EVC2: variants seen among roughly 807,000 people sequenced by gnomAD.
The protein encoded by EVC2 is limbin.
EVC2 carries 148 observed loss-of-function variants against 149.3 expected under a neutral mutation model. The observed-to-expected ratio is 0.99, with a 90% CI of 0.87 to 1.14. The LOEUF is 1.14. Ranked by LOEUF, EVC2 falls within the 50% of genes most tolerant of loss-of-function variation. EVC2 has a pLI of 0.00. For missense variants in EVC2, 1,854 were observed against 1,627.3 expected (o/e 1.14, Z -2.40); for synonymous variants, 776 against 649.9 (o/e 1.19, Z -2.95).
At chr4:5,698,877 G>A (rs1354118076) in intron 1 of EVC2, among the ~76,000 whole-genome samples, 2 of 152,188 alleles carry the variant, frequency 1.3e-5, no homozygotes, top group African/African-American at 2.4e-5. Context: ...CCTGGCTTTG[G>A]GTCCAGTTCC....
rs1167397787 is a variant in EVC2, at chr4:5,640,587, A to G, written c.1397T>C (p.Met466Thr). The G allele has an allele frequency of 1.2e-6, 2 of 1,614,014 alleles. No homozygotes were observed. The stretch of plus-strand genomic sequence containing the variant: ...CATCTCTCTCTGGTACTGGTTTTCC[A>G]TCTTCTTTCTTGTTTCCAGGTCACA... Reference protein sequence around the residue: ...AECDLETRKKMENQYQREMMA... With the variant: ...AECDLETRKKTENQYQREMMA... The change falls in exon 10 of 22, where the codon ATG becomes ACG. Residue 466 changes from methionine to threonine, a missense_variant. Physicochemically the swap from Met to Thr is moderately conservative, Grantham distance 81 (BLOSUM62 -1). Coordinates refer to ENST00000344408, the MANE Select transcript of EVC2 (RefSeq NM_147127.5). This position sits in a 1 kb window ranked among gnomAD's most constrained non-coding sequence, Gnocchi z 4.6.
rs1243085872 is a variant in EVC2, at chr4:5,670,525, A to G, written c.871-4876T>C. On this transcript the variant is annotated intron_variant, in intron 7 of 21. Coordinates refer to ENST00000344408, the MANE Select transcript of EVC2 (RefSeq NM_147127.5). The surrounding 1 kb of genome is among the most constrained non-coding windows in gnomAD (Gnocchi z 5.2). ...CATCACCATCGCCACCACGATTATC[A>G]ACATCATCAATATCCCCATCACCAT... Among the ~76,000 whole-genome samples the G allele has an allele frequency of 6.6e-6, 1 of 151,964 alleles. No individual in the cohort carries two copies. Among genetic ancestry groups the G allele is most frequent in the African/African-American group, 2.4e-5 (1 of 41,372 alleles).
intron 9 of EVC2, among the ~76,000 whole-genome samples, chr4:5,641,238 G>T (rs1007202779): frequency 2.6e-5 from 4 of 152,024 alleles, no homozygotes; most frequent in African/African-American, 9.7e-5. Context: ...GTCATATCCT[G>T]GACGGAATCC....
chr4:5,620,520 T>C (rs1340965839), intron 14 of EVC2, among the ~76,000 whole-genome samples: 1 of 152,198 alleles, frequency 6.6e-6, no homozygotes, highest in Admixed American at 6.5e-5. Flanking sequence ...CCTATCTTGG[T>C]TGAAATTGGA....
In EVC2 at chr4:5,613,717, C is replaced by T. The variant is rs939937623; in HGVS notation, c.2829+1705G>A. On this transcript the variant is annotated intron_variant, in intron 16 of 21. Transcript: ENST00000344408. The surrounding 1 kb of genome is among the most constrained non-coding windows in gnomAD (Gnocchi z 4.6). ...AGTTTAGGAAGCCCAGTGGCTCTCA[C>T]ATTGATGTATATCTCTTGAATTAGC... 7.0e-6 allele frequency among the ~76,000 whole-genome samples: 1 copy of T among 141,896 alleles called. No homozygotes were observed. Among genetic ancestry groups the T allele is most frequent in the East Asian group, 1.9e-4 (1 of 5,186 alleles). The allele number at this position is 141,896 out of a possible 152,430, so 93.1% of individuals were successfully genotyped here.
At chr4:5,598,382 T>C (rs1356402380) in intron 16 of EVC2, among the ~76,000 whole-genome samples, 2 of 150,472 alleles carry the variant, frequency 1.3e-5, no homozygotes, top group South Asian at 4.2e-4. Flanking sequence ...TATAGATCAA[T>C]GGAACAGAAC....
At chr4:5,608,784 C>T (rs948917766) in intron 16 of EVC2, among the ~76,000 whole-genome samples, 2 of 152,062 alleles carry the variant, frequency 1.3e-5, no homozygotes, top group African/African-American at 2.4e-5. Flanking sequence ...TCACCCGCCT[C>T]GGCATCCCAA....
At position 5,595,086 on chromosome 4, in the gene EVC2, G is replaced by A. The variant is rs534543491; in HGVS notation, c.2830-10236C>T. Reference sequence around the variant, plus strand: ...GACTATGTGAAAAGACCAAATGTACGTCTGATTGGTGTACGTGAACATGAC... The same window carrying A: ...GACTATGTGAAAAGACCAAATGTACATCTGATTGGTGTACGTGAACATGAC... On this transcript the variant is annotated intron_variant, in intron 16 of 21. Transcript: ENST00000344408. Among the ~76,000 whole-genome samples the A allele has an allele frequency of 2.5e-3, 386 of 152,306 alleles. 1 individual carries two copies. The highest frequency in any genetic ancestry group is 8.8e-3 in the African/African-American group (364 of 41,556).
chr4:5,616,967 G>A (rs987276149), intron 15 of EVC2, among the ~76,000 whole-genome samples: 6 of 152,154 alleles, frequency 3.9e-5, no homozygotes, highest in East Asian at 3.9e-4. Context: ...CCCTCCCCTC[G>A]CTTCGGTGAA....
At chr4:5,698,930 G>A (rs897532765) in intron 1 of EVC2, among the ~76,000 whole-genome samples, 8 of 152,176 alleles carry the variant, frequency 5.3e-5, no homozygotes, top group South Asian at 2.1e-4. Flanking sequence ...GCTCTCACGC[G>A]GGCCAGACAC....
intron 1 of EVC2, among the ~76,000 whole-genome samples, chr4:5,706,994 A>G (rs553532616): frequency 1.3e-5 from 2 of 152,166 alleles, no homozygotes; most frequent in Non-Finnish European, 2.9e-5. Context: ...TGTGGCTGAC[A>G]GAGGCCAATG....
At chr4:5,671,951 G>A (rs190635053) in intron 7 of EVC2, among the ~76,000 whole-genome samples, 18 of 152,378 alleles carry the variant, frequency 1.2e-4, no homozygotes, top group African/African-American at 4.1e-4. Flanking sequence ...GTGTTTGGAT[G>A]TGACACTACA....
chr4:5,591,003 G>A (rs1246822595), intron 16 of EVC2, among the ~76,000 whole-genome samples: 2 of 152,052 alleles, frequency 1.3e-5, no homozygotes, highest in African/African-American at 4.8e-5. Context: ...CAGCATGAGG[G>A]TAACTGCCCC....
At chr4:5,665,789 C>A in intron 7 of EVC2, 140 bp from the exon 8 acceptor site, 1 of 1,346,582 alleles carries the variant, frequency 7.4e-7, no homozygotes, top group Non-Finnish European at 1.0e-6. Context: ...TGCCAGCTAC[C>A]AGCTGGCTGC....
At chr4:5,578,711 G>A (rs970183054) in intron 17 of EVC2, among the ~76,000 whole-genome samples, 25 of 152,092 alleles carry the variant, frequency 1.6e-4, no homozygotes, top group Non-Finnish European at 3.4e-4. Flanking sequence ...AACGGGGAGA[G>A]AGAGAGAGAT....
intron 9 of EVC2, among the ~76,000 whole-genome samples, chr4:5,642,615 T>C (rs114884274): frequency 0.028 from 4,283 of 152,274 alleles, 204 homozygotes; most frequent in African/African-American, 0.098. Flanking sequence ...CAGATTCCCA[T>C]GAGAGGAACT....
chr4:5,654,537 G>C (rs1201189981), intron 9 of EVC2, among the ~76,000 whole-genome samples: 2 of 152,186 alleles, frequency 1.3e-5, no homozygotes, highest in Admixed American at 6.5e-5. Context: ...CATTTCCAAG[G>C]GTTTCCTCCA....
intron 6 of EVC2, among the ~76,000 whole-genome samples, chr4:5,681,933 G>T (rs1720373174): frequency 6.6e-6 from 1 of 152,100 alleles, no homozygotes; most frequent in Non-Finnish European, 1.5e-5. Context: ...CTATAGGGTG[G>T]TGGTTAGGGC....
intron 19 of EVC2, among the ~76,000 whole-genome samples, chr4:5,572,025 C>T (rs1722671994): frequency 6.6e-6 from 1 of 152,220 alleles, no homozygotes; most frequent in Non-Finnish European, 1.5e-5. Flanking sequence ...ACTCATCGGC[C>T]TCCACAATCA....
Sources: allele counts gnomAD v4.1 joint callset (sites outside exome capture counted in the v4.1 genomes callset), GRCh38; gene constraint gnomAD v4.1.1; non-coding constraint Gnocchi (gnomAD v3.1); transcripts MANE v1.5; gene names NCBI Gene and HGNC (gene_info 2026-07-23, HGNC 2026-07-21).